ALG9: variants seen among roughly 807,000 people sequenced by gnomAD.
The protein encoded by ALG9 is ALG9 alpha-1,2-mannosyltransferase.
ALG9 carries 55 observed loss-of-function variants against 81.8 expected under a neutral mutation model. That is an observed-to-expected ratio of 0.67 (90% CI 0.54 to 0.84). The LOEUF is 0.84. Among genes scored for constraint, ALG9 ranks in the 40% least tolerant of loss-of-function variants. The pLI is 0.00. For missense variants in ALG9, 629 were observed against 745.0 expected (o/e 0.84, Z 1.81); for synonymous variants, 278 against 274.3 (o/e 1.01, Z -0.13).
intron 10 of ALG9, 80 bp downstream of exon 10, chr11:111,840,575 G>T: frequency 1.3e-6 from 2 of 1,533,488 alleles, no homozygotes; most frequent in Middle Eastern, 1.7e-4. Flanking sequence ...GAAGCATTCT[G>T]TAATTTGCAC....
At chr11:111,825,276 C>T (rs549100982) in intron 13 of ALG9, among the ~76,000 whole-genome samples, 2 of 152,258 alleles carry the variant, frequency 1.3e-5, no homozygotes, top group South Asian at 4.1e-4. Flanking sequence ...TGTGTATAAT[C>T]CCTATGCCAG....
intron 14 of ALG9, among the ~76,000 whole-genome samples, chr11:111,790,815 T>C (rs1947282799): frequency 6.6e-6 from 1 of 152,320 alleles, no homozygotes; most frequent in Middle Eastern, 3.4e-3. Context: ...CCTGACAGTC[T>C]CAAACACTGA....
intron 14 of ALG9, among the ~76,000 whole-genome samples, chr11:111,806,595 G>C (rs536853522): frequency 6.6e-6 from 1 of 152,030 alleles, no homozygotes; most frequent in African/African-American, 2.4e-5. Context: ...CTACACACTG[G>C]AGTTTCCCTG....
chr11:111,826,942 T>C (rs1468477249), intron 13 of ALG9, among the ~76,000 whole-genome samples: 1 of 152,224 alleles, frequency 6.6e-6, no homozygotes, highest in Admixed American at 6.5e-5. Context: ...TTCAAACTTA[T>C]CCTCTAATCA....
chr11:111,855,582 G>A (rs1406514548), intron 6 of ALG9, among the ~76,000 whole-genome samples: 1 of 152,174 alleles, frequency 6.6e-6, no homozygotes, highest in Non-Finnish European at 1.5e-5. Context: ...TCAGGTTTCT[G>A]GGTCAGTATT....
At chr11:111,809,600 C>T (rs781888890) in intron 14 of ALG9, 43 bp downstream of exon 14, 2 of 1,611,548 alleles carry the variant, frequency 1.2e-6, no homozygotes, top group South Asian at 2.2e-5. Flanking sequence ...CAATTTTTAC[C>T]CATACTAGTC....
At chr11:111,805,602 A>C (rs151147878) in intron 14 of ALG9, among the ~76,000 whole-genome samples, 1 of 152,266 alleles carries the variant, frequency 6.6e-6, no homozygotes. Flanking sequence ...CATTCTGGAA[A>C]AGGCAAAACT....
chr11:111,838,357 G>A lies in ALG9; in HGVS notation c.1216C>T (p.Gln406Ter). The A allele has an allele frequency of 6.2e-7, 1 of 1,613,652 alleles. No homozygotes were observed. The highest frequency in any genetic ancestry group is 8.5e-7 in the Non-Finnish European group (1 of 1,179,548). ...GTATAGTGCTCCAGGCGATATCGTT[G>A]AAACACAAAGTGGTAACATTTCTGG... The part of the protein sequence containing the change: ...YFQKCYHFVF[Q>*]RYRLEHYTVT... Residue 406 changes from glutamine to a stop codon, truncating the protein, a stop_gained, in exon 11 of 15, where the codon CAA becomes TAA. Coordinates refer to ENST00000616540, the MANE Select transcript of ALG9 (RefSeq NM_024740.2). LOFTEE classifies it high-confidence loss of function.
intron 14 of ALG9, among the ~76,000 whole-genome samples, chr11:111,809,356 C>T (rs1204551165): frequency 1.3e-5 from 2 of 152,052 alleles, no homozygotes; most frequent in African/African-American, 4.8e-5. Flanking sequence ...ATGGTAAAAC[C>T]CTGTCTCTAC....
intron 13 of ALG9, among the ~76,000 whole-genome samples, chr11:111,827,413 T>C (rs1592110571): frequency 6.6e-6 from 1 of 151,524 alleles, no homozygotes. Context: ...TAGTGGGAGG[T>C]TGCAGTGGGT....
chr11:111,818,230 G>A (rs1951814446), intron 13 of ALG9, among the ~76,000 whole-genome samples: 1 of 152,224 alleles, frequency 6.6e-6, no homozygotes, highest in African/African-American at 2.4e-5. Flanking sequence ...GGGTACTCAA[G>A]TACAGTCATG....
rs782147115 is a variant in ALG9 at position 111,838,244 on chromosome 11, T to A, written c.1324+5A>T. 4 of 1,613,924 alleles carry A rather than the reference T, an allele frequency of 2.5e-6. No homozygotes were observed. Among genetic ancestry groups the A allele is most frequent in the Admixed American group, 3.3e-5 (2 of 59,994 alleles). ...TGTAGGTTAAGATATTCTTAGAAGA[T>A]CTACCTCTGAACAGTGCCACAGAGC... On this transcript the variant is annotated splice_donor_5th_base_variant and intron_variant, in intron 11 of 14. Coordinates refer to ENST00000616540, the MANE Select transcript of ALG9 (RefSeq NM_024740.2).
At chr11:111,857,925 A>T in intron 5 of ALG9, 188 bp from the exon 6 acceptor site, 1 of 659,450 alleles carries the variant, frequency 1.5e-6, no homozygotes, top group Non-Finnish European at 2.5e-6. Flanking sequence ...AAGTTCAATG[A>T]CTCTTATTTT....
At chr11:111,795,469 G>GCAA (rs1948122750) in intron 14 of ALG9, among the ~76,000 whole-genome samples, 1 of 152,016 alleles carries the variant, frequency 6.6e-6, no homozygotes, top group Non-Finnish European at 1.5e-5. Flanking sequence ...ACTGCAAAAG[G>GCAA]TCCCATAATT....
chr11:111,821,194 CT>C (rs1952306422), intron 13 of ALG9, among the ~76,000 whole-genome samples: 1 of 152,288 alleles, frequency 6.6e-6, no homozygotes, highest in African/African-American at 2.4e-5. Flanking sequence ...TAAGGTCCTA[CT>C]TTCATGCTCT....
intron 14 of ALG9, among the ~76,000 whole-genome samples, chr11:111,804,132 CAAAAAAAAAAAA>C (rs140492079): frequency 1.2e-5 from 1 of 85,372 alleles, no homozygotes; most frequent in Non-Finnish European, 2.3e-5. Context: ...GACTCCATCT[CAAAAAAAAAAAA>C]AAAAAAAGAA....
Position 111,857,589 on chromosome 11 carries a change from G to T in ALG9, c.701+13C>A, listed in dbSNP as rs1208409524. On this transcript the variant is annotated intron_variant, in intron 6 of 14. Coordinates refer to ENST00000616540, the MANE Select transcript of ALG9 (RefSeq NM_024740.2). ...CCCAGCGATATATGGGAGGAGAACT[G>T]TTAGTTTCTTACCCAAGAGCTGCAC... 13 of 1,613,964 alleles carry T rather than the reference G, an allele frequency of 8.1e-6. No homozygotes were observed. Among genetic ancestry groups the T allele is most frequent in the Non-Finnish European group, 9.3e-6 (11 of 1,179,970 alleles).
intron 9 of ALG9, among the ~76,000 whole-genome samples, chr11:111,841,455 T>C (rs1956200130): frequency 6.6e-6 from 1 of 152,226 alleles, no homozygotes; most frequent in South Asian, 2.1e-4. Context: ...AACAAAAATG[T>C]ACTTAAAGCA....
At chr11:111,841,426 C>T (rs781959746) in intron 9 of ALG9, among the ~76,000 whole-genome samples, 5 of 152,216 alleles carry the variant, frequency 3.3e-5, no homozygotes, top group Non-Finnish European at 7.3e-5. Context: ...TACTCATCCA[C>T]TCCGGATCCC....
Sources: allele counts gnomAD v4.1 joint callset (sites outside exome capture counted in the v4.1 genomes callset), GRCh38; gene constraint gnomAD v4.1.1; transcripts MANE v1.5; gene names NCBI Gene and HGNC (gene_info 2026-07-23, HGNC 2026-07-21).